Variants in CRYBG1 observed in about 807,000 individuals in gnomAD.
CRYBG1 encodes the protein beta/gamma crystallin domain-containing protein 1.
CRYBG1 carries 139 observed loss-of-function variants against 189.2 expected under a neutral mutation model. The observed-to-expected ratio is 0.73, with a 90% CI of 0.64 to 0.85. The LOEUF is 0.85. Among genes scored for constraint, CRYBG1 ranks in the 40% least tolerant of loss-of-function variants. CRYBG1 has a pLI of 0.00. For missense variants in CRYBG1, 2,611 were observed against 2,675.8 expected, an observed-to-expected ratio of 0.98 and a Z score of 0.53; for synonymous variants, 1,023 against 1,017.1, an observed-to-expected ratio of 1.01 and a Z score of -0.11.
At chr6:106,555,493 G>A (rs1774513717) in intron 16 of CRYBG1, among the ~76,000 whole-genome samples, 2 of 152,192 alleles carry the variant, frequency 1.3e-5, no homozygotes, top group Non-Finnish European at 1.5e-5. Context: ...TGGCACCCAT[G>A]AGAAGAGCAA....
Position 106,512,582 on chromosome 6 carries a change from A to G in CRYBG1, c.1465A>G (p.Ser489Gly). 6.2e-7 allele frequency: 1 copy of G among 1,606,098 alleles called. No individual in the cohort carries two copies. Among genetic ancestry groups the G allele is most frequent in the Non-Finnish European group, 8.5e-7 (1 of 1,177,000 alleles). Residue 489 changes from serine (S) to glycine (G), a missense_variant, in exon 3 of 22, where the codon AGC becomes GGC. Coordinates refer to ENST00000633556, the MANE Select transcript of CRYBG1 (RefSeq NM_001371242.2). ...CGCTGCGAGCCCAGAGTCCAAGCCC[A>G]GCCCCGGTACCAAAGGGCAGCTCCG... ...ASAASPESKPSPGTKGQLRGE... is the reference protein window; with the variant it reads ...ASAASPESKPGPGTKGQLRGE...
Position 106,544,900 on chromosome 6 carries a change from T to TG in CRYBG1, c.5280dup (p.Lys1761GlufsTer6). ...AATTTAAAGGAGACTGGATATGGAG[T>TG]GAAGACACAGTCTATTAATGTACTG... is the stretch of plus-strand genomic sequence containing the variant. On this transcript the variant is annotated frameshift_variant, in exon 13 of 22. Coordinates refer to ENST00000633556, the MANE Select transcript of CRYBG1 (RefSeq NM_001371242.2). LOFTEE classifies it high-confidence loss of function. The TG allele has an allele frequency of 6.2e-7, 1 of 1,612,626 alleles. No individual in the cohort carries two copies. Among genetic ancestry groups the TG allele is most frequent in the Non-Finnish European group, 8.5e-7 (1 of 1,179,602 alleles).
rs370707367 is a variant in CRYBG1, at chr6:106,502,734, T to C, written c.313-8696T>C. Reference sequence around the variant, plus strand: ...TCAGGATCCCAGCACAGGAAACATATAGCACACTCAAGTTGTGTAATTAAG... The same window carrying C: ...TCAGGATCCCAGCACAGGAAACATACAGCACACTCAAGTTGTGTAATTAAG... On this transcript the variant is annotated intron_variant, in intron 2 of 21. Transcript: ENST00000633556. Among the ~76,000 whole-genome samples, 10 of 152,128 alleles carry C rather than the reference T, an allele frequency of 6.6e-5. No homozygotes were observed. The East Asian group carries it at 1.9e-3, about 29-fold the overall frequency.
At chr6:106,460,394 T>G (rs1771986031) in intron 2 of CRYBG1, among the ~76,000 whole-genome samples, 1 of 152,242 alleles carries the variant, frequency 6.6e-6, no homozygotes, top group East Asian at 1.9e-4. Flanking sequence ...TTTACCTTGC[T>G]GAAGATATTG....
intron 7 of CRYBG1, among the ~76,000 whole-genome samples, chr6:106,529,389 T>A (rs1007910664): frequency 1.3e-5 from 2 of 152,230 alleles, no homozygotes; most frequent in African/African-American, 2.4e-5. Flanking sequence ...TCTTGAAACA[T>A]AAAACATAAG....
chr6:106,553,255 T>C (rs1283550892), intron 15 of CRYBG1, among the ~76,000 whole-genome samples, 200 bp from the exon 16 acceptor site: 4 of 151,984 alleles, frequency 2.6e-5, no homozygotes, highest in Non-Finnish European at 5.9e-5. Flanking sequence ...CTGAATTAAA[T>C]AAATAGTCAC....
chr6:106,438,473 C>T (rs1382933307), intron 1 of CRYBG1, among the ~76,000 whole-genome samples: 2 of 152,098 alleles, frequency 1.3e-5, no homozygotes, highest in African/African-American at 4.8e-5. Flanking sequence ...GGAAGGATCC[C>T]TCCTTGCTCT....
intron 2 of CRYBG1, among the ~76,000 whole-genome samples, chr6:106,498,940 A>T (rs528607736): frequency 8.5e-5 from 13 of 152,170 alleles, no homozygotes; most frequent in African/African-American, 3.1e-4. Context: ...ACAATATACC[A>T]AACAACATAT....
intron 7 of CRYBG1, among the ~76,000 whole-genome samples, chr6:106,529,064 G>A (rs1773817043): frequency 6.6e-6 from 1 of 151,722 alleles, no homozygotes; most frequent in Non-Finnish European, 1.5e-5. Flanking sequence ...TCCTGCCTCA[G>A]CCTCCAGAGT....
rs35009911 is a variant in CRYBG1, at chr6:106,429,394, C to CAT, written c.174-22286_174-22285dup. 9.3e-5 allele frequency among the ~76,000 whole-genome samples: 14 copies of CAT among 151,116 alleles called. No homozygotes were observed. In the South Asian group the frequency reaches 1.3e-3, roughly 14 times the overall value. ...TGTATGTGGGAATTTCTCCCACATC[C>CAT]ATATATATATATATAATTCTAGAGG... On this transcript the variant is annotated intron_variant, in intron 1 of 21. Coordinates refer to ENST00000633556, the MANE Select transcript of CRYBG1 (RefSeq NM_001371242.2).
Position 106,360,832 on chromosome 6 carries a change from C to T in CRYBG1, c.-77C>T. 7.1e-7 allele frequency: 1 copy of T among 1,415,274 alleles called. No homozygotes were observed. The highest frequency in any genetic ancestry group is 1.5e-5 in the African/African-American group (1 of 67,356). The allele number at this position is 1,415,274 out of a possible 1,614,324, so 87.7% of individuals were successfully genotyped here. On this transcript the variant is annotated 5_prime_UTR_variant, in exon 1 of 22. Transcript: ENST00000633556. ...TGAGAAAGGCGGGCGAGCTGGCGCT[C>T]AGGTGTGTTCTTCCATAGGGCCCGG...
intron 2 of CRYBG1, among the ~76,000 whole-genome samples, chr6:106,505,107 T>C (rs1773103412): frequency 6.6e-6 from 1 of 151,632 alleles, no homozygotes; most frequent in Admixed American, 6.6e-5. Flanking sequence ...TAACTTTTTT[T>C]TTTTTTTTTG....
intron 8 of CRYBG1, among the ~76,000 whole-genome samples, chr6:106,536,759 A>G (rs954400723): frequency 1.3e-5 from 2 of 152,226 alleles, no homozygotes; most frequent in Non-Finnish European, 2.9e-5. Flanking sequence ...GTACGACAAT[A>G]AAGTTGTACT....
At chr6:106,404,183 G>A (rs1466419714) in intron 1 of CRYBG1, among the ~76,000 whole-genome samples, 1 of 152,206 alleles carries the variant, frequency 6.6e-6, no homozygotes, top group East Asian at 1.9e-4. Flanking sequence ...AAGTGAAGTT[G>A]GGAGGTGACT....
intron 1 of CRYBG1, among the ~76,000 whole-genome samples, chr6:106,400,213 C>T (rs932363447): frequency 1.3e-5 from 2 of 151,636 alleles, no homozygotes; most frequent in Non-Finnish European, 2.9e-5. Context: ...CTCCTGGGCT[C>T]GAGTAATGCT....
intron 1 of CRYBG1, among the ~76,000 whole-genome samples, chr6:106,380,705 A>C (rs1425822927): frequency 6.6e-6 from 1 of 152,170 alleles, no homozygotes; most frequent in Admixed American, 6.5e-5. Context: ...TTATAATAGG[A>C]AGGGTGAATT....
At chr6:106,453,905 G>T (rs186418142) in intron 2 of CRYBG1, among the ~76,000 whole-genome samples, 296 of 152,294 alleles carry the variant, frequency 1.9e-3, no homozygotes, top group Non-Finnish European at 3.5e-3. Context: ...GTGTAGGGAT[G>T]GAGCCGGAGC....
intron 1 of CRYBG1, chr6:106,420,879 G>A (rs750235374): frequency 6.6e-6 from 1 of 152,328 alleles, no homozygotes; most frequent in South Asian, 2.1e-4. Context: ...CTATTTTCTA[G>A]TACTTCCATG....
intron 1 of CRYBG1, among the ~76,000 whole-genome samples, chr6:106,369,916 G>T (rs1052844452): frequency 1.6e-4 from 25 of 152,188 alleles, no homozygotes; most frequent in African/African-American, 5.5e-4. Context: ...TTAAGAGTGA[G>T]GCTGGGATTC....
Sources: gnomAD v4.1 joint callset for allele counts (sites outside exome capture counted in the v4.1 genomes callset) on GRCh38, gnomAD v4.1.1 for gene constraint, MANE v1.5 for transcripts, NCBI Gene and HGNC (gene_info 2026-07-23, HGNC 2026-07-21) for gene names.